CREB5: variants seen among roughly 807,000 people sequenced by gnomAD.
CREB5 encodes cAMP responsive element binding protein 5.
Under a neutral mutation model 57.1 loss-of-function variants are expected in CREB5, and 19 were observed. The observed-to-expected ratio is 0.33, with a 90% confidence interval of 0.23 to 0.49. The LOEUF is 0.49. CREB5 is among the 20% of genes least tolerant of loss of function. The pLI, the probability that CREB5 is intolerant of heterozygous loss-of-function variation, is 0.99. For synonymous variants in CREB5, 238 were observed against 238.3 expected, an observed-to-expected ratio of 1.00 and a Z score of 0.01; for missense variants, 579 against 671.6, an observed-to-expected ratio of 0.86 and a Z score of 1.52.
intron 4 of CREB5, among the ~76,000 whole-genome samples, chr7:28,561,392 GATACT>G (rs1795266050): frequency 6.6e-6 from 1 of 152,186 alleles, no homozygotes; most frequent in Admixed American, 6.5e-5. Flanking sequence ...GTAGTTAGCT[GATACT>G]ATCTGGTGTT....
At chr7:28,596,687 T>C (rs1796701892) in intron 5 of CREB5, among the ~76,000 whole-genome samples, 1 of 152,180 alleles carries the variant, frequency 6.6e-6, no homozygotes, top group Non-Finnish European at 1.5e-5. Context: ...CTTGGACTTG[T>C]TTACTTTCTT....
chr7:28,411,031 G>T (rs1461947267), upstream of CREB5, among the ~76,000 whole-genome samples: 4 of 152,156 alleles, frequency 2.6e-5, no homozygotes, highest in African/African-American at 9.7e-5. Flanking sequence ...GTGGGTAAAA[G>T]CTTCTGGGGT....
At chr7:28,573,626 C>T (rs776192152) in intron 5 of CREB5, among the ~76,000 whole-genome samples, 23 of 152,196 alleles carry the variant, frequency 1.5e-4, no homozygotes, top group Middle Eastern at 3.2e-3. Context: ...CCCAAGTTTT[C>T]GCTCTTCTCT....
upstream of CREB5, among the ~76,000 whole-genome samples, chr7:28,408,773 G>A (rs1280117263): frequency 6.6e-6 from 1 of 152,122 alleles, no homozygotes; most frequent in Admixed American, 6.5e-5. Context: ...AGATGAGGGG[G>A]CGGTGAAGAA....
At chr7:28,726,323 G>C (rs1803336559) in intron 7 of CREB5, among the ~76,000 whole-genome samples, 1 of 152,046 alleles carries the variant, frequency 6.6e-6, no homozygotes, top group African/African-American at 2.4e-5. Context: ...AGGGAAAAAT[G>C]GTAGCATTGG....
intron 1 of CREB5, among the ~76,000 whole-genome samples, chr7:28,418,310 T>C (rs949883599): frequency 6.6e-6 from 1 of 152,184 alleles, no homozygotes; most frequent in African/African-American, 2.4e-5. Flanking sequence ...AATATACCTG[T>C]TTTTTATAAT....
chr7:28,812,348 T>C (rs993223368), intron 9 of CREB5, among the ~76,000 whole-genome samples: 4 of 152,230 alleles, frequency 2.6e-5, no homozygotes, highest in African/African-American at 9.6e-5. Context: ...TCCACAGACT[T>C]TGAGGCCAGA....
chr7:28,643,700 A>G (rs1486262379), intron 5 of CREB5, among the ~76,000 whole-genome samples: 5 of 151,604 alleles, frequency 3.3e-5, no homozygotes, highest in Admixed American at 3.3e-4. Flanking sequence ...GCAAATCTCC[A>G]TAAGAAAGTT....
chr7:28,316,611 G>T (rs2127982927), intron 1 of CREB5, among the ~76,000 whole-genome samples: 1 of 152,098 alleles, frequency 6.6e-6, no homozygotes. Flanking sequence ...CCAAAAGCCT[G>T]AGCAACAAGG....
At chr7:28,418,068 G>A (rs757252752) in intron 1 of CREB5, among the ~76,000 whole-genome samples, 2 of 152,134 alleles carry the variant, frequency 1.3e-5, no homozygotes, top group African/African-American at 2.4e-5. Flanking sequence ...CCAGATACTT[G>A]CCTTTAGTTG....
chr7:28,498,393 A>G (rs1414049912), intron 3 of CREB5, among the ~76,000 whole-genome samples: 1 of 152,236 alleles, frequency 6.6e-6, no homozygotes, highest in Non-Finnish European at 1.5e-5. Context: ...ACTTCAGAAT[A>G]TCTGGTTAAC....
chr7:28,575,554 G>A (rs1795875318), intron 5 of CREB5, among the ~76,000 whole-genome samples: 1 of 152,226 alleles, frequency 6.6e-6, no homozygotes, highest in Non-Finnish European at 1.5e-5. Context: ...TAATGCTGGG[G>A]ATATTCAGGC....
At chr7:28,493,042 G>T (rs148586236) in intron 2 of CREB5, among the ~76,000 whole-genome samples, 1,648 of 152,268 alleles carry the variant, frequency 0.011, 16 homozygotes, top group Non-Finnish European at 0.017. Context: ...TAATACAAAT[G>T]ACAAGTAAAT....
At chr7:28,661,849 AG>A (rs1799622943) in intron 5 of CREB5, among the ~76,000 whole-genome samples, 1 of 152,234 alleles carries the variant, frequency 6.6e-6, no homozygotes, top group Non-Finnish European at 1.5e-5. Flanking sequence ...TTAACATGAA[AG>A]TTGCAGGCAA....
intron 4 of CREB5, among the ~76,000 whole-genome samples, chr7:28,529,494 C>G (rs1161609525): frequency 1.3e-5 from 2 of 152,188 alleles, no homozygotes; most frequent in Non-Finnish European, 2.9e-5. Flanking sequence ...CCAAATTTAA[C>G]ATGATAAAAC....
chr7:28,624,691 A>AC (rs1222884298), intron 5 of CREB5, among the ~76,000 whole-genome samples: 2 of 149,908 alleles, frequency 1.3e-5, no homozygotes, highest in Non-Finnish European at 3.0e-5. Flanking sequence ...AAAAAAAAAA[A>AC]AACAATCTTG....
intron 1 of CREB5, among the ~76,000 whole-genome samples, chr7:28,339,548 G>C (rs1785892805): frequency 6.6e-6 from 1 of 152,130 alleles, no homozygotes; most frequent in African/African-American, 2.4e-5. Flanking sequence ...AAACACCCCT[G>C]TGGCCCCCAC....
chr7:28,752,683 GTC>G (rs984158411), intron 7 of CREB5, among the ~76,000 whole-genome samples: 6 of 152,152 alleles, frequency 3.9e-5, no homozygotes, highest in African/African-American at 1.4e-4. Context: ...CATAGGGCCT[GTC>G]TAATAAATGT....
intron 5 of CREB5, among the ~76,000 whole-genome samples, chr7:28,613,180 G>T (rs1797463098): frequency 6.6e-6 from 1 of 152,146 alleles, no homozygotes; most frequent in South Asian, 2.1e-4. Flanking sequence ...TCAACATTTT[G>T]AGCACTTTTG....
Sources: allele counts gnomAD v4.1 joint callset (sites outside exome capture counted in the v4.1 genomes callset), GRCh38; gene constraint gnomAD v4.1.1; transcripts MANE v1.5; gene names NCBI Gene and HGNC (gene_info 2026-07-23, HGNC 2026-07-21).